Variants in SATL1 observed in about 807,000 individuals in gnomAD.
SATL1 encodes the protein spermidine/spermine N1-acetyl transferase like 1, also known as spermidine/spermine N(1)-acetyltransferase-like protein 1.
Under a neutral mutation model 51.8 loss-of-function variants are expected in SATL1, and 47 were observed. The ratio of observed to expected loss-of-function variants is 0.91; its 90% confidence interval spans 0.72 to 1.16. The LOEUF is 1.16. SATL1 is among the 50% of genes most tolerant of loss of function. The pLI, the probability that SATL1 is intolerant of heterozygous loss-of-function variation, is 0.00. For missense variants in SATL1, 520 were observed against 526.4 expected (o/e 0.99, Z 0.12); for synonymous variants, 176 against 182.4 (o/e 0.97, Z 0.28).
At chrX:85,131,418 T>C (rs890802281) in intron 2 of SATL1, among the ~76,000 whole-genome samples, 1 of 111,588 alleles carries the variant, frequency 9.0e-6, no homozygotes, top group African/African-American at 3.3e-5. Context: ...TCTTTGTCTC[T>C]TTTGGTCTTT....
intron 4 of SATL1, among the ~76,000 whole-genome samples, chrX:85,095,557 T>C (rs1224136764): frequency 9.7e-6 from 1 of 103,590 alleles, no homozygotes; most frequent in Admixed American, 1.1e-4. Flanking sequence ...CCGGGCGCGG[T>C]GGCTCACGCC....
chrX:85,127,234 C>A (rs1259011809), intron 2 of SATL1, among the ~76,000 whole-genome samples: 1 of 110,468 alleles, frequency 9.1e-6, no homozygotes, highest in Admixed American at 9.7e-5. Flanking sequence ...GATCCTCTAC[C>A]GCCTCACTTC....
At chrX:85,119,317 TTAAC>T (rs753106876) in intron 2 of SATL1, among the ~76,000 whole-genome samples, 14 of 111,463 alleles carry the variant, frequency 1.3e-4, no homozygotes, top group Non-Finnish European at 2.3e-4. Context: ...GTAAGCAACT[TTAAC>T]TAAAGTATTG....
intron 5 of SATL1, among the ~76,000 whole-genome samples, chrX:85,094,701 C>T (rs1230004085): frequency 9.0e-6 from 1 of 111,548 alleles, no homozygotes; most frequent in East Asian, 2.8e-4. Context: ...ATGATCATGC[C>T]ACTGCACTCC....
chrX:85,150,727 T>G (rs1926405211), intron 2 of SATL1, among the ~76,000 whole-genome samples: 1 of 110,918 alleles, frequency 9.0e-6, no homozygotes, highest in Admixed American at 9.6e-5. Context: ...CATGATTATC[T>G]CAATAGATGC....
At chrX:85,231,444 C>T (rs773119899) in intron 1 of SATL1, among the ~76,000 whole-genome samples, 1 of 111,748 alleles carries the variant, frequency 8.9e-6, no homozygotes, top group African/African-American at 3.3e-5. Flanking sequence ...AACAACTATC[C>T]ACACAAAAAG....
chrX:85,095,857 G>GGA (rs1196090659), intron 4 of SATL1, among the ~76,000 whole-genome samples: 3 of 97,921 alleles, frequency 3.1e-5, no homozygotes, highest in Non-Finnish European at 6.1e-5. Flanking sequence ...AAAAAAAGAT[G>GGA]GAGAGGGGAC....
At chrX:85,188,044 A>T (rs1927351638) in intron 2 of SATL1, among the ~76,000 whole-genome samples, 1 of 111,744 alleles carries the variant, frequency 8.9e-6, no homozygotes, top group African/African-American at 3.2e-5. Flanking sequence ...TCTAAAAATT[A>T]CTATGATTCT....
rs190707252 is a variant in SATL1, at chrX:85,184,373, G to C, written c.-313+39832C>G. Among the ~76,000 whole-genome samples, 673 of 110,976 alleles carry C rather than the reference G, an allele frequency of 6.1e-3. 3 individuals are homozygous for C. Among genetic ancestry groups the C allele is most frequent in the African/African-American group, 0.021 (629 of 30,541 alleles). On this transcript the variant is annotated intron_variant, in intron 2 of 7. Transcript: ENST00000644105. ...ACTTGAATATTGATATCTTTCTCTAGGTTTGGGAAGTTCTTTGTTATTATC... is the reference window on the plus strand; with the variant it reads ...ACTTGAATATTGATATCTTTCTCTACGTTTGGGAAGTTCTTTGTTATTATC...
At chrX:85,139,548 C>T (rs1291327962) in intron 2 of SATL1, among the ~76,000 whole-genome samples, 1 of 110,955 alleles carries the variant, frequency 9.0e-6, no homozygotes, top group Non-Finnish European at 1.9e-5. Flanking sequence ...AAATCTTTTC[C>T]TTTTCTGAGC....
rs1224909641 is a variant in SATL1 at position 85,224,285 on chromosome X, C to G, written c.-393G>C. ...ATCTCTGCCTCCCTTTTCACATCAT[C>G]TTCTCCTCTGTGTGTGTCTATGTCT... On this transcript the variant is annotated 5_prime_UTR_variant, in exon 2 of 8. Transcript: ENST00000644105. 2 of 105,577 alleles carry G rather than the reference C, an allele frequency of 1.9e-5. No homozygotes were observed. Among genetic ancestry groups the G allele is most frequent in the African/African-American group, 6.9e-5 (2 of 29,118 alleles). The allele number at this position is 105,577 out of a possible 1,213,427, so 8.7% of individuals were successfully genotyped here.
intron 2 of SATL1, among the ~76,000 whole-genome samples, chrX:85,111,626 AT>A (rs779949577): frequency 1.7e-4 from 19 of 112,505 alleles, no homozygotes; most frequent in African/African-American, 6.1e-4. Context: ...GTTTTCTTTT[AT>A]TCCAGGTATT....
At chrX:85,132,784 T>A (rs1427374912) in intron 2 of SATL1, among the ~76,000 whole-genome samples, 1 of 112,106 alleles carries the variant, frequency 8.9e-6, no homozygotes, top group African/African-American at 3.2e-5. Context: ...CTCATCTTTG[T>A]GGTTTTATCT....
chrX:85,226,772 T>C (rs1335016589), intron 1 of SATL1, among the ~76,000 whole-genome samples: 1 of 110,852 alleles, frequency 9.0e-6, no homozygotes, highest in Admixed American at 9.6e-5. Flanking sequence ...TCATTCCCTG[T>C]CTATAATCTC....
At chrX:85,232,660 C>T (rs937407139) in intron 1 of SATL1, among the ~76,000 whole-genome samples, 2 of 111,495 alleles carry the variant, frequency 1.8e-5, no homozygotes, top group African/African-American at 6.5e-5. Flanking sequence ...AGGCAGTACT[C>T]GCCATGGCTC....
At chrX:85,185,804 A>C (rs1413648489) in intron 2 of SATL1, among the ~76,000 whole-genome samples, 3 of 110,513 alleles carry the variant, frequency 2.7e-5, no homozygotes, top group Non-Finnish European at 3.8e-5. Flanking sequence ...CCAGGAGCCC[A>C]CTTGGTGCTC....
At chrX:85,123,922 A>G (rs1426138714) in intron 2 of SATL1, among the ~76,000 whole-genome samples, 12 of 111,833 alleles carry the variant, frequency 1.1e-4, no homozygotes, top group Admixed American at 6.7e-4. Flanking sequence ...GTTACCACTG[A>G]AGAGTAGGAT....
intron 1 of SATL1, among the ~76,000 whole-genome samples, chrX:85,237,503 G>A (rs1469607674): frequency 2.7e-5 from 3 of 111,335 alleles, no homozygotes; most frequent in Non-Finnish European, 5.7e-5. Context: ...GGGAAAACTG[G>A]ATTTGTATAT....
intron 2 of SATL1, among the ~76,000 whole-genome samples, chrX:85,157,985 G>T (rs770601440): frequency 1.8e-5 from 2 of 111,388 alleles, no homozygotes; most frequent in African/African-American, 6.5e-5. Context: ...AAAACTAAGA[G>T]ACTTTTAAAC....
Sources: gnomAD v4.1 joint callset for allele counts (sites outside exome capture counted in the v4.1 genomes callset) on GRCh38, gnomAD v4.1.1 for gene constraint, MANE v1.5 for transcripts, NCBI Gene and HGNC (gene_info 2026-07-23, HGNC 2026-07-21) for gene names.